Variants in HYCC2 observed in about 807,000 individuals in gnomAD.
HYCC2 encodes hyccin 2.
the HYCC2 span, among the ~76,000 whole-genome samples, chr2:201,041,946 C>A: frequency 6.6e-6 from 1 of 152,042 alleles, no homozygotes. Flanking sequence ...TCTCTCTCCC[C>A]CTCCCCCTCC....
At chr2:201,011,179 T>C in the HYCC2 span, among the ~76,000 whole-genome samples, 14 of 151,902 alleles carry the variant, frequency 9.2e-5, no homozygotes, top group Non-Finnish European at 1.5e-5. Context: ...AAAAAGATAC[T>C]GATAGAAGAA....
the HYCC2 span, among the ~76,000 whole-genome samples, chr2:201,001,171 G>A: frequency 4.0e-5 from 6 of 151,486 alleles, no homozygotes; most frequent in African/African-American, 1.5e-4. Context: ...GGGGCCTTTG[G>A]GACACGATTA....
chr2:201,048,541 C>T, the HYCC2 span, among the ~76,000 whole-genome samples: 2 of 139,930 alleles, frequency 1.4e-5, no homozygotes, highest in African/African-American at 2.8e-5. Flanking sequence ...AGCTATCATT[C>T]GTGTTAGTGT....
At chr2:201,017,669 C>CT in the HYCC2 span, among the ~76,000 whole-genome samples, 1 of 152,222 alleles carries the variant, frequency 6.6e-6, no homozygotes, top group African/African-American at 2.4e-5. Flanking sequence ...CAAAGCAACT[C>CT]TGTTTTTCAA....
chr2:201,009,961 G>A, the HYCC2 span, among the ~76,000 whole-genome samples: 6 of 151,626 alleles, frequency 4.0e-5, no homozygotes, highest in East Asian at 3.9e-4. Flanking sequence ...AAAATTAGCC[G>A]GGCGTGGTGG....
At chr2:201,004,264 A>C in the HYCC2 span, among the ~76,000 whole-genome samples, 2 of 152,258 alleles carry the variant, frequency 1.3e-5, no homozygotes, top group African/African-American at 4.8e-5. Context: ...TGAAGCGTGC[A>C]TAAGTAGGAT....
chr2:201,028,050 T>C, the HYCC2 span, among the ~76,000 whole-genome samples: 1 of 152,186 alleles, frequency 6.6e-6, no homozygotes. Context: ...GACATTATTG[T>C]ATATCTAGAA....
At chr2:201,035,421 C>A in the HYCC2 span, among the ~76,000 whole-genome samples, 2 of 152,182 alleles carry the variant, frequency 1.3e-5, no homozygotes, top group African/African-American at 4.8e-5. Flanking sequence ...GCATTCGTCA[C>A]GTCGTTCTCG....
chr2:201,040,069 G>A, the HYCC2 span, among the ~76,000 whole-genome samples: 1 of 151,982 alleles, frequency 6.6e-6, no homozygotes, highest in South Asian at 2.1e-4. Context: ...AGCTACTTGG[G>A]AGGCTGGGGC....
the HYCC2 span, among the ~76,000 whole-genome samples, chr2:201,000,436 G>GA: frequency 6.6e-6 from 1 of 152,000 alleles, no homozygotes; most frequent in African/African-American, 2.4e-5. Context: ...TAGCTTTGGG[G>GA]AAAAAAATGT....
At chr2:201,001,557 T>C in the HYCC2 span, among the ~76,000 whole-genome samples, 3 of 152,164 alleles carry the variant, frequency 2.0e-5, no homozygotes, top group African/African-American at 7.2e-5. Context: ...CTTGTAAACA[T>C]GCTAAGTGAA....
At chr2:201,024,975 T>C in the HYCC2 span, among the ~76,000 whole-genome samples, 3 of 151,470 alleles carry the variant, frequency 2.0e-5, no homozygotes, top group Non-Finnish European at 4.4e-5. Flanking sequence ...TAGCCAGGTG[T>C]AGTGGTGTGC....
the HYCC2 span, chr2:201,022,224 G>T: frequency 2.0e-6 from 1 of 512,534 alleles, no homozygotes; most frequent in Non-Finnish European, 3.4e-6. Context: ...TTAATGGAAA[G>T]ATAATGTGTG....
the HYCC2 span, among the ~76,000 whole-genome samples, chr2:201,067,768 CTT>C: frequency 2.0e-5 from 3 of 152,224 alleles, no homozygotes; most frequent in Non-Finnish European, 2.9e-5. Flanking sequence ...TACTCCAACT[CTT>C]ATTTTCCAAT....
the HYCC2 span, among the ~76,000 whole-genome samples, chr2:200,988,742 T>C: frequency 6.6e-6 from 1 of 152,182 alleles, no homozygotes; most frequent in Admixed American, 6.5e-5. Context: ...ACATGCAAAA[T>C]TTAATCTCTG....
chr2:201,024,876 GAGGCTGAGGC>G, the HYCC2 span, among the ~76,000 whole-genome samples: 1 of 152,068 alleles, frequency 6.6e-6, no homozygotes, highest in Non-Finnish European at 1.5e-5. Flanking sequence ...AGCACTTTGG[GAGGCTGAGGC>G]AGGACTGAGC....
chr2:200,980,982 A>G, the HYCC2 span: 6 of 448,582 alleles, frequency 1.3e-5, no homozygotes, highest in Non-Finnish European at 2.1e-5. Flanking sequence ...CGATCAGCCT[A>G]CGATGGATTG....
chr2:201,008,260 A>T, the HYCC2 span, among the ~76,000 whole-genome samples: 1 of 152,226 alleles, frequency 6.6e-6, no homozygotes, highest in African/African-American at 2.4e-5. Context: ...TGTCTGAGGG[A>T]AAAATTTCTA....
At chr2:201,054,225 T>A in the HYCC2 span, among the ~76,000 whole-genome samples, 2 of 152,250 alleles carry the variant, frequency 1.3e-5, no homozygotes, top group African/African-American at 4.8e-5. Flanking sequence ...ATGGCATCTT[T>A]TCCAATTCTA....
Sources: allele counts gnomAD v4.1 joint callset (sites outside exome capture counted in the v4.1 genomes callset), GRCh38; gene constraint gnomAD v4.1.1; transcripts MANE v1.5; gene names NCBI Gene and HGNC (gene_info 2026-07-23, HGNC 2026-07-21).